GRB10: variants seen among roughly 807,000 people sequenced by gnomAD.
GRB10 encodes the protein growth factor receptor-bound protein 10.
A neutral mutation model predicts 80.9 loss-of-function variants in GRB10; 20 were observed. The ratio of observed to expected loss-of-function variants is 0.25; its 90% CI spans 0.17 to 0.36. GRB10 has a LOEUF of 0.36. GRB10 is among the 10% of genes least tolerant of loss of function. The pLI is 1.00. For synonymous variants in GRB10, 291 were observed against 291.5 expected (o/e 1.00, Z 0.02); for missense variants, 548 against 747.7 (o/e 0.73, Z 3.12).
At chr7:50,784,864 T>C (rs1275499511), upstream of GRB10, among the ~76,000 whole-genome samples, 1 of 152,282 alleles carries the variant, frequency 6.6e-6, no homozygotes, top group East Asian at 1.9e-4. Flanking sequence ...ACCATTCACC[T>C]CTGGAAATGG....
intron 7 of GRB10, among the ~76,000 whole-genome samples, chr7:50,644,919 C>T (rs940241714): frequency 2.6e-5 from 4 of 152,162 alleles, no homozygotes; most frequent in Non-Finnish European, 4.4e-5. Flanking sequence ...GATTCACAAA[C>T]GGTGAAGTCT....
chr7:50,651,747 C>A (rs1185227862), intron 7 of GRB10, among the ~76,000 whole-genome samples: 1 of 152,252 alleles, frequency 6.6e-6, no homozygotes, highest in Non-Finnish European at 1.5e-5. Flanking sequence ...GTATTTGACT[C>A]TCTTGAGTAC....
At chr7:50,620,657 A>G (rs574644390) in intron 8 of GRB10, among the ~76,000 whole-genome samples, 1 of 152,334 alleles carries the variant, frequency 6.6e-6, no homozygotes, top group East Asian at 1.9e-4. Flanking sequence ...CCAAGTGTGG[A>G]GCAGTTCCCA....
chr7:50,676,184 T>C (rs553043417), intron 5 of GRB10, among the ~76,000 whole-genome samples: 5 of 151,980 alleles, frequency 3.3e-5, no homozygotes, highest in Middle Eastern at 3.4e-3. Flanking sequence ...AAAGGCTACA[T>C]TGGTAGGAAG....
chr7:50,760,631 A>C (rs2075656861), intron 2 of GRB10, among the ~76,000 whole-genome samples: 1 of 152,270 alleles, frequency 6.6e-6, no homozygotes, highest in South Asian at 2.1e-4. Context: ...ACCCTAAAGC[A>C]AAAGTAGTTA....
In GRB10 at chr7:50,745,795, C is replaced by T. The variant is rs531718737; in HGVS notation, c.-47+10092G>A. On this transcript the variant is annotated intron_variant, in intron 3 of 18. Coordinates refer to ENST00000401949, the MANE Select transcript of GRB10 (RefSeq NM_001350814.2). ...TAAAACCCAAATAACTCACAGAAGA[C>T]ATCTTTTTACCTAAAGAAAACTTTT... Among the ~76,000 whole-genome samples, 85 of 152,316 alleles carry T rather than the reference C, an allele frequency of 5.6e-4. 1 individual carries two copies. The highest frequency in any genetic ancestry group is 1.7e-3 in the South Asian group (8 of 4,830).
intron 7 of GRB10, among the ~76,000 whole-genome samples, chr7:50,664,927 A>C (rs2059650496): frequency 6.6e-6 from 1 of 152,252 alleles, no homozygotes; most frequent in African/African-American, 2.4e-5. Flanking sequence ...CACCTTTTAG[A>C]GGAAAGAAAT....
chr7:50,701,717 A>G (rs2064258834), intron 5 of GRB10, among the ~76,000 whole-genome samples: 1 of 152,232 alleles, frequency 6.6e-6, no homozygotes, highest in Admixed American at 6.5e-5. Context: ...AACATTGTAG[A>G]TGGATGGTTA....
At chr7:50,636,163 G>C (rs2054987521) in intron 7 of GRB10, among the ~76,000 whole-genome samples, 3 of 151,838 alleles carry the variant, frequency 2.0e-5, no homozygotes, top group African/African-American at 4.8e-5. Flanking sequence ...TTTTCTAGTA[G>C]AGACAGGGTT....
intron 17 of GRB10, chr7:50,595,744 T>C (rs1402317718): frequency 1.9e-6 from 1 of 517,982 alleles, no homozygotes; most frequent in African/African-American, 1.9e-5. Flanking sequence ...ATTGTCATTC[T>C]CCATTGGAAA....
chr7:50,604,295 AAT>A lies in GRB10; in HGVS notation c.1456+14_1456+15del. On this transcript the variant is annotated intron_variant, in intron 16 of 18. Coordinates refer to ENST00000401949, the MANE Select transcript of GRB10 (RefSeq NM_001350814.2). Reference sequence around the variant, plus strand: ...TTCTTTATGTACAAAAACATCAGGCAATGTGCCCTGTTTACCTGTACTTAGGG... The same window carrying A: ...TTCTTTATGTACAAAAACATCAGGCAGTGCCCTGTTTACCTGTACTTAGGG... The A allele has an allele frequency of 1.2e-6, 2 of 1,601,088 alleles. No individual in the cohort carries two copies. Among genetic ancestry groups the A allele is most frequent in the Non-Finnish European group, 1.7e-6 (2 of 1,168,220 alleles).
chr7:50,759,915 T>G lies in GRB10; in HGVS notation c.-216-3859A>C, dbSNP rs1587932728. Among the ~76,000 whole-genome samples, 3 of 152,212 alleles carry G rather than the reference T, an allele frequency of 2.0e-5. No homozygotes were observed. The Middle Eastern group carries it at 0.01, about 518-fold the overall frequency. ...GACACCCCGGGAGCAGCTTCTGAAC[T>G]GCCACCATCACTGAAACCAACAAAA... On this transcript the variant is annotated intron_variant, in intron 2 of 18. Transcript: ENST00000401949.
intron 4 of GRB10, among the ~76,000 whole-genome samples, chr7:50,707,310 A>G (rs1315099699): frequency 2.0e-5 from 3 of 152,206 alleles, no homozygotes. Context: ...AGGCCCACTT[A>G]GCACCCAAGC....
At chr7:50,671,408 C>A (rs548282869) in intron 6 of GRB10, among the ~76,000 whole-genome samples, 5 of 152,294 alleles carry the variant, frequency 3.3e-5, no homozygotes, top group African/African-American at 1.2e-4. Context: ...TTCTCTTTTA[C>A]CAACTTTCCC....
At chr7:50,696,862 G>A (rs563764298) in intron 5 of GRB10, among the ~76,000 whole-genome samples, 3 of 152,168 alleles carry the variant, frequency 2.0e-5, no homozygotes, top group Non-Finnish European at 2.9e-5. Flanking sequence ...GTATGTCAAT[G>A]TTCACAGCAG....
intron 2 of GRB10, among the ~76,000 whole-genome samples, chr7:50,757,328 T>G (rs1412427111): frequency 6.6e-6 from 1 of 152,234 alleles, no homozygotes; most frequent in South Asian, 2.1e-4. Context: ...TATAAAGGCT[T>G]AGGACAGGGT....
intron 8 of GRB10, among the ~76,000 whole-genome samples, chr7:50,624,600 A>G (rs2052533706): frequency 6.6e-6 from 1 of 152,242 alleles, no homozygotes; most frequent in African/African-American, 2.4e-5. Context: ...GTCAACGGGA[A>G]TGAGTCCTGG....
intron 7 of GRB10, among the ~76,000 whole-genome samples, chr7:50,668,172 G>C (rs576047476): frequency 2.6e-5 from 4 of 152,248 alleles, no homozygotes; most frequent in African/African-American, 9.6e-5. Context: ...GGGGGCCTGA[G>C]GTCAGAACGG....
At chr7:50,669,486 C>A (rs1419012783) in intron 7 of GRB10, among the ~76,000 whole-genome samples, 1 of 152,224 alleles carries the variant, frequency 6.6e-6, no homozygotes, top group Non-Finnish European at 1.5e-5. Context: ...TCACCTCCCA[C>A]CAGGCCCTGC....
Sources: allele counts gnomAD v4.1 joint callset (sites outside exome capture counted in the v4.1 genomes callset), GRCh38; gene constraint gnomAD v4.1.1; transcripts MANE v1.5; gene names NCBI Gene and HGNC (gene_info 2026-07-23, HGNC 2026-07-21).